The following FRMD4A variants were observed in gnomAD, a reference collection of about 807,000 sequenced individuals.
The protein encoded by FRMD4A is FERM domain-containing protein 4A.
A neutral mutation model predicts 129.1 loss-of-function variants in FRMD4A; 29 were observed. The observed-to-expected ratio is 0.22, with a 90% CI of 0.17 to 0.31. FRMD4A has a LOEUF of 0.31. FRMD4A is among the 10% of genes least tolerant of loss of function. The pLI, the probability that FRMD4A is intolerant of heterozygous loss-of-function variation, is 1.00. For missense variants in FRMD4A, 1,272 were observed against 1,375.8 expected (o/e 0.92, Z 1.19); for synonymous variants, 634 against 571.6 (o/e 1.11, Z -1.56).
intron 2 of FRMD4A, among the ~76,000 whole-genome samples, chr10:14,080,833 C>T (rs1482616739): frequency 1.3e-5 from 2 of 151,614 alleles, no homozygotes; most frequent in Admixed American, 1.3e-4. Context: ...CTTGGATTGT[C>T]AAAATAAGGA....
intron 8 of FRMD4A, among the ~76,000 whole-genome samples, chr10:13,750,112 G>T (rs1325213426): frequency 8.0e-5 from 6 of 74,660 alleles, no homozygotes; most frequent in African/African-American, 2.3e-4. Context: ...AAGAAATGAA[G>T]AAAGAAAGAA....
At chr10:13,858,193 G>C (rs1016040684) in intron 3 of FRMD4A, among the ~76,000 whole-genome samples, 1 of 152,160 alleles carries the variant, frequency 6.6e-6, no homozygotes, top group Non-Finnish European at 1.5e-5. Context: ...CAGCACTTTG[G>C]GAGGCCGAGG....
chr10:13,965,568 T>G (rs2095480561), intron 2 of FRMD4A, among the ~76,000 whole-genome samples: 1 of 152,244 alleles, frequency 6.6e-6, no homozygotes, highest in South Asian at 2.1e-4. Flanking sequence ...GCAATCCCTG[T>G]GTTTAGAAGG....
At chr10:14,259,414 G>A (rs1361742749) in intron 2 of FRMD4A, among the ~76,000 whole-genome samples, 1 of 151,922 alleles carries the variant, frequency 6.6e-6, no homozygotes, top group Non-Finnish European at 1.5e-5. Context: ...TTTCCTGTCA[G>A]TTCTCATTTA....
intron 2 of FRMD4A, among the ~76,000 whole-genome samples, chr10:14,189,803 C>T (rs1842261599): frequency 1.3e-5 from 2 of 152,174 alleles, no homozygotes; most frequent in Admixed American, 1.3e-4. Flanking sequence ...TGAGTTTAGA[C>T]AGATCTTAAC....
intron 2 of FRMD4A, among the ~76,000 whole-genome samples, chr10:13,909,464 C>T (rs182837677): frequency 3.2e-4 from 48 of 152,248 alleles, no homozygotes; most frequent in East Asian, 2.9e-3. Context: ...TTTGCAATTG[C>T]AATAATTTTG....
intron 17 of FRMD4A, among the ~76,000 whole-genome samples, chr10:13,669,067 T>G (rs964486358): frequency 6.9e-6 from 1 of 144,860 alleles, no homozygotes; most frequent in African/African-American, 2.6e-5. Context: ...GTTTTTTTTT[T>G]TTTTTTTTTT....
chr10:14,276,522 G>C (rs1040209713), intron 2 of FRMD4A, among the ~76,000 whole-genome samples: 1 of 152,184 alleles, frequency 6.6e-6, no homozygotes, highest in African/African-American at 2.4e-5. Flanking sequence ...TGGCCTTTTG[G>C]CTCAGGAACT....
At chr10:14,239,003 T>C (rs571388671) in intron 2 of FRMD4A, among the ~76,000 whole-genome samples, 1 of 152,332 alleles carries the variant, frequency 6.6e-6, no homozygotes, top group Non-Finnish European at 1.5e-5. Flanking sequence ...CTGATTCCTT[T>C]CGACTCTTAT....
intron 2 of FRMD4A, among the ~76,000 whole-genome samples, chr10:13,880,960 G>A (rs961912674): frequency 6.6e-6 from 1 of 152,050 alleles, no homozygotes; most frequent in South Asian, 2.1e-4. Context: ...GACTTGGTTG[G>A]TTTTTCTCAC....
chr10:13,872,306 G>A (rs935173777), intron 2 of FRMD4A, among the ~76,000 whole-genome samples: 24 of 152,320 alleles, frequency 1.6e-4, no homozygotes, highest in Admixed American at 9.1e-4. Flanking sequence ...CAAGTGCCAG[G>A]CCTTCACAAA....
intron 2 of FRMD4A, among the ~76,000 whole-genome samples, chr10:14,059,381 T>C (rs1834697383): frequency 6.6e-6 from 1 of 152,120 alleles, no homozygotes. Flanking sequence ...AAGGATGTAA[T>C]TAAAAATAAA....
At chr10:14,215,925 C>T (rs2131963346) in intron 2 of FRMD4A, among the ~76,000 whole-genome samples, 1 of 152,228 alleles carries the variant, frequency 6.6e-6, no homozygotes, top group East Asian at 1.9e-4. Context: ...CTTTACTCTC[C>T]TGCTCAGGTT....
At chr10:13,964,960 A>AG (rs2095475895) in intron 2 of FRMD4A, among the ~76,000 whole-genome samples, 1 of 151,980 alleles carries the variant, frequency 6.6e-6, no homozygotes, top group Non-Finnish European at 1.5e-5. Flanking sequence ...CTGGGATTAC[A>AG]GGCGTGAGCC....
intron 9 of FRMD4A, among the ~76,000 whole-genome samples, 170 bp from the exon 10 acceptor site, chr10:13,740,747 A>C (rs1396916668): frequency 1.3e-5 from 2 of 150,948 alleles, no homozygotes; most frequent in African/African-American, 4.9e-5. Context: ...TCTGAGTGCT[A>C]TCTATTTGGA....
intron 2 of FRMD4A, among the ~76,000 whole-genome samples, chr10:14,236,906 T>C (rs1297450966): frequency 7.2e-6 from 1 of 139,176 alleles, no homozygotes; most frequent in Non-Finnish European, 1.5e-5. Flanking sequence ...CTATAAAGTA[T>C]AGCTAATGAA....
At chr10:14,305,415 C>A (rs1174282036) in intron 2 of FRMD4A, among the ~76,000 whole-genome samples, 2 of 152,128 alleles carry the variant, frequency 1.3e-5, no homozygotes, top group Non-Finnish European at 2.9e-5. Context: ...GTACTCTCTC[C>A]CATTAAATAT....
intron 2 of FRMD4A, among the ~76,000 whole-genome samples, chr10:13,924,804 G>T (rs2095111732): frequency 6.6e-6 from 1 of 152,094 alleles, no homozygotes; most frequent in Non-Finnish European, 1.5e-5. Context: ...TCTGTTGAAA[G>T]AATGACTTCC....
chr10:14,242,053 T>C (rs1021936725), intron 2 of FRMD4A, among the ~76,000 whole-genome samples: 2 of 152,192 alleles, frequency 1.3e-5, no homozygotes, highest in Admixed American at 1.3e-4. Context: ...ACCTGTTGCC[T>C]AGCTCCATAC....
Sources: allele counts gnomAD v4.1 joint callset (sites outside exome capture counted in the v4.1 genomes callset), GRCh38; gene constraint gnomAD v4.1.1; transcripts MANE v1.5; gene names NCBI Gene and HGNC (gene_info 2026-07-23, HGNC 2026-07-21).